Variants in GRM5 observed in about 807,000 individuals in gnomAD.
GRM5 encodes metabotropic glutamate receptor 5.
A neutral mutation model predicts 83.1 loss-of-function variants in GRM5; 19 were observed. That is an observed-to-expected ratio of 0.23 (90% CI 0.16 to 0.34). The LOEUF is 0.34. Ranked by LOEUF, GRM5 falls within the 10% of genes least tolerant of loss-of-function variation. GRM5 has a pLI of 1.00. For synonymous variants in GRM5, 675 were observed against 633.6 expected (o/e 1.07, Z -0.98); for missense variants, 1,160 against 1,588.3 (o/e 0.73, Z 4.58).
At chr11:88,511,806 G>C (rs1430851979) in intron 9 of GRM5, 1 of 152,212 alleles carries the variant, frequency 6.6e-6, no homozygotes, top group Admixed American at 6.5e-5. Flanking sequence ...TTATTTACGA[G>C]ATTTGATTGG....
intron 3 of GRM5, among the ~76,000 whole-genome samples, chr11:88,767,706 G>A (rs961535429): frequency 1.3e-5 from 2 of 151,714 alleles, no homozygotes; most frequent in African/African-American, 4.8e-5. Context: ...GAGAGGATCA[G>A]AATAAATACC....
chr11:88,562,703 T>C (rs1942785547), intron 8 of GRM5, among the ~76,000 whole-genome samples: 1 of 152,074 alleles, frequency 6.6e-6, no homozygotes, highest in South Asian at 2.1e-4. Flanking sequence ...CCGTGACTAC[T>C]ACTAGGTGCT....
At chr11:88,765,304 A>G (rs1591498518) in intron 3 of GRM5, among the ~76,000 whole-genome samples, 1 of 151,264 alleles carries the variant, frequency 6.6e-6, no homozygotes, top group Non-Finnish European at 1.5e-5. Flanking sequence ...AATTCTACCA[A>G]CTGTTTAAGG....
rs1050841486 is a variant in GRM5 at position 88,713,710 on chromosome 11, T to G, written c.912-60307A>C. 2.6e-5 allele frequency among the ~76,000 whole-genome samples: 4 copies of G among 152,076 alleles called. No homozygotes were observed. The South Asian group carries it at 8.3e-4, about 32-fold the overall frequency. ...CATTTTTTCTCCAGTGGGAAATACATGTGTTTCTGTTGGTCCCTGCCAGCA... is the reference window on the plus strand; with the variant it reads ...CATTTTTTCTCCAGTGGGAAATACAGGTGTTTCTGTTGGTCCCTGCCAGCA... On this transcript the variant is annotated intron_variant, in intron 3 of 9. Coordinates refer to ENST00000305447, the MANE Select transcript of GRM5 (RefSeq NM_001143831.3).
intron 3 of GRM5, among the ~76,000 whole-genome samples, chr11:88,833,657 C>T (rs12293618): frequency 0.025 from 3,877 of 152,258 alleles, 173 homozygotes; most frequent in African/African-American, 0.089. Context: ...GTCAAAGAGA[C>T]ATTTGCACCT....
intron 4 of GRM5, among the ~76,000 whole-genome samples, chr11:88,639,745 G>A (rs1316900690): frequency 2.0e-5 from 3 of 151,932 alleles, no homozygotes; most frequent in Admixed American, 1.3e-4. Flanking sequence ...CTGCCACCAC[G>A]CCCAGCTAAT....
At chr11:88,568,464 G>T (rs1015148037) in intron 7 of GRM5, among the ~76,000 whole-genome samples, 3 of 152,162 alleles carry the variant, frequency 2.0e-5, no homozygotes, top group African/African-American at 7.2e-5. Context: ...AGAGAGGCAT[G>T]AAGGGAAGCC....
intron 3 of GRM5, among the ~76,000 whole-genome samples, chr11:88,704,865 A>C (rs1447906946): frequency 6.6e-6 from 1 of 151,928 alleles, no homozygotes; most frequent in Non-Finnish European, 1.5e-5. Context: ...TCCTATGATA[A>C]TTAGCCTTGT....
chr11:88,732,978 A>G (rs1292625085), intron 3 of GRM5, among the ~76,000 whole-genome samples: 1 of 152,010 alleles, frequency 6.6e-6, no homozygotes, highest in African/African-American at 2.4e-5. Flanking sequence ...TTTGTTTATG[A>G]ATTTCCTTAG....
chr11:88,509,272 G>T lies in GRM5; in HGVS notation c.2959C>A (p.Pro987Thr). Reference sequence around the variant, plus strand: ...GCGTCTGGGGACTCGGGCCCGCCTGGGCCGGCGCCTGCGCAGCCCGCACCG... The same window carrying T: ...GCGTCTGGGGACTCGGGCCCGCCTGTGCCGGCGCCTGCGCAGCCCGCACCG... ...TGGAGCAGAG[P>T]GGPESPDAGP... is the part of the protein sequence containing the mutation. Residue 987 changes from proline (P) to threonine (T), a missense_variant, in exon 10 of 10, where the codon CCA (proline) becomes ACA (threonine). This residue lies in a region of GRM5 where 562 missense variants were observed against 532.4 expected (regional missense o/e 1.06). Coordinates refer to ENST00000305447, the MANE Select transcript of GRM5 (RefSeq NM_001143831.3). The T allele has an allele frequency of 6.8e-7, 1 of 1,468,320 alleles. No homozygotes were observed. Among genetic ancestry groups the T allele is most frequent in the Non-Finnish European group, 9.0e-7 (1 of 1,114,936 alleles). The allele number at this position is 1,468,320 out of a possible 1,614,324, so 91.0% of individuals were successfully genotyped here. A position where few individuals can be genotyped will look rare whatever the true frequency, so the allele number is the denominator to read the frequency against.
At chr11:89,021,699 T>C (rs376545638) in intron 2 of GRM5, among the ~76,000 whole-genome samples, 3 of 152,176 alleles carry the variant, frequency 2.0e-5, no homozygotes, top group Non-Finnish European at 2.9e-5. Flanking sequence ...ATTTTTAGAA[T>C]TGGAAAGAAT....
chr11:88,941,569 G>A (rs1349527528), intron 2 of GRM5, among the ~76,000 whole-genome samples: 2 of 98,120 alleles, frequency 2.0e-5, no homozygotes, highest in Admixed American at 1.1e-4. Context: ...GAGAGGAGGA[G>A]AGGAGGAGAG....
chr11:88,519,033 A>G (rs1473830506), intron 9 of GRM5, among the ~76,000 whole-genome samples: 1 of 147,950 alleles, frequency 6.8e-6, no homozygotes, highest in African/African-American at 2.5e-5. Flanking sequence ...GATAATATGC[A>G]ATATCGGATG....
At chr11:89,003,920 G>A (rs1940456491) in intron 2 of GRM5, among the ~76,000 whole-genome samples, 1 of 152,132 alleles carries the variant, frequency 6.6e-6, no homozygotes, top group East Asian at 1.9e-4. Context: ...GCAGGTACAT[G>A]TACAAGGGAA....
At chr11:88,521,542 C>T (rs956032637) in intron 9 of GRM5, among the ~76,000 whole-genome samples, 4 of 152,146 alleles carry the variant, frequency 2.6e-5, no homozygotes, top group African/African-American at 9.7e-5. Flanking sequence ...ATCTTGCTAG[C>T]AACTCACATG....
chr11:88,665,867 A>AAAG (rs34349057), intron 3 of GRM5, among the ~76,000 whole-genome samples: 2 of 151,236 alleles, frequency 1.3e-5, no homozygotes, highest in Non-Finnish European at 1.5e-5. Flanking sequence ...AAAAAAAAAA[A>AAAG]TGGACTGAAG....
intron 2 of GRM5, among the ~76,000 whole-genome samples, chr11:89,022,438 C>T (rs1941007898): frequency 6.7e-6 from 1 of 148,642 alleles, no homozygotes; most frequent in South Asian, 2.1e-4. Flanking sequence ...GTCAGGAGCT[C>T]GAGACCAGCC....
intron 3 of GRM5, among the ~76,000 whole-genome samples, chr11:88,734,650 T>G (rs1453112304): frequency 1.3e-5 from 2 of 152,210 alleles, no homozygotes; most frequent in Admixed American, 1.3e-4. Context: ...TACAGTTACT[T>G]AACATGCTGT....
At chr11:88,982,212 G>T (rs1174681542) in intron 2 of GRM5, among the ~76,000 whole-genome samples, 1 of 152,204 alleles carries the variant, frequency 6.6e-6, no homozygotes, top group East Asian at 1.9e-4. Context: ...GTGATTTTTG[G>T]AAAATAGAAA....
Sources: gnomAD v4.1 joint callset for allele counts (sites outside exome capture counted in the v4.1 genomes callset) on GRCh38, gnomAD v4.1.1 for gene constraint, gnomAD v4.1.1 regional missense constraint, MANE v1.5 for transcripts, NCBI Gene and HGNC (gene_info 2026-07-23, HGNC 2026-07-21) for gene names.